Variants in ST6GAL1 observed in about 807,000 individuals in gnomAD.
ST6GAL1 encodes the protein beta-galactoside alpha-2,6-sialyltransferase 1.
Under a neutral mutation model 38.0 loss-of-function variants are expected in ST6GAL1, and 20 were observed. The observed-to-expected ratio is 0.53, with a 90% confidence interval of 0.37 to 0.77. The LOEUF is 0.77. Among genes scored for constraint, ST6GAL1 ranks in the 30% least tolerant of loss-of-function variants. The pLI is 0.00. For missense variants in ST6GAL1, 432 were observed against 496.4 expected, an observed-to-expected ratio of 0.87 and a Z score of 1.23; for synonymous variants, 196 against 188.2, an observed-to-expected ratio of 1.04 and a Z score of -0.34.
chr3:186,976,915 C>G (rs915876241), intron 2 of ST6GAL1, among the ~76,000 whole-genome samples: 4 of 152,188 alleles, frequency 2.6e-5, no homozygotes, highest in African/African-American at 4.8e-5. Context: ...TGCTTTAATG[C>G]CAGGCACTGT....
At chr3:187,022,313 G>A (rs1717346822) in intron 2 of ST6GAL1, among the ~76,000 whole-genome samples, 1 of 152,170 alleles carries the variant, frequency 6.6e-6, no homozygotes, top group East Asian at 1.9e-4. Context: ...TGGTGTGAGA[G>A]CAGAGGAAAG....
chr3:187,061,344 G>T (rs1015129294), intron 5 of ST6GAL1, among the ~76,000 whole-genome samples: 1 of 152,098 alleles, frequency 6.6e-6, no homozygotes, highest in Non-Finnish European at 1.5e-5. Flanking sequence ...AAATCCAAAA[G>T]ATATTTCTTT....
chr3:186,996,084 A>G (rs970486240), intron 2 of ST6GAL1, among the ~76,000 whole-genome samples: 1 of 152,156 alleles, frequency 6.6e-6, no homozygotes, highest in Non-Finnish European at 1.5e-5. Context: ...AAAATATGAT[A>G]TTTGAGATTC....
At chr3:186,956,786 G>A (rs926865193) in intron 1 of ST6GAL1, among the ~76,000 whole-genome samples, 6 of 152,122 alleles carry the variant, frequency 3.9e-5, no homozygotes, top group African/African-American at 1.4e-4. Flanking sequence ...CAGAACATCC[G>A]GTCAGTTTTT....
chr3:187,069,688 C>T (rs1719296167), intron 5 of ST6GAL1, among the ~76,000 whole-genome samples: 1 of 152,106 alleles, frequency 6.6e-6, no homozygotes, highest in Admixed American at 6.5e-5. Context: ...TTTCCTGGTC[C>T]CCATAACCTA....
intron 1 of ST6GAL1, among the ~76,000 whole-genome samples, chr3:186,961,323 C>CT (rs1714929413): frequency 6.6e-6 from 1 of 152,198 alleles, no homozygotes; most frequent in African/African-American, 2.4e-5. Flanking sequence ...GGTTCCACCA[C>CT]TACCTTTCCC....
intron 5 of ST6GAL1, chr3:187,072,479 A>C (rs1719418234): frequency 3.0e-6 from 1 of 331,968 alleles, no homozygotes; most frequent in African/African-American, 2.2e-5. Flanking sequence ...GATTCCAGAG[A>C]TAATTTTGAT....
At chr3:187,072,473 C>T (rs559334987) in intron 5 of ST6GAL1, 2 of 330,798 alleles carry the variant, frequency 6.0e-6, no homozygotes, top group African/African-American at 4.3e-5. Flanking sequence ...TGAAAGGATT[C>T]CAGAGATAAT....
At chr3:187,060,017 A>G (rs1360907119) in intron 5 of ST6GAL1, among the ~76,000 whole-genome samples, 1 of 152,174 alleles carries the variant, frequency 6.6e-6, no homozygotes, top group African/African-American at 2.4e-5. Context: ...CTTTTCAGGA[A>G]GAGGCAACAG....
At chr3:186,965,220 G>T (rs1237844020) in intron 2 of ST6GAL1, among the ~76,000 whole-genome samples, 3 of 152,152 alleles carry the variant, frequency 2.0e-5, no homozygotes, top group Admixed American at 2.0e-4. Context: ...CACGAAGTTG[G>T]TCAGAGAAGT....
chr3:186,991,901 A>C (rs912880129), intron 2 of ST6GAL1, among the ~76,000 whole-genome samples: 1 of 152,052 alleles, frequency 6.6e-6, no homozygotes, highest in Non-Finnish European at 1.5e-5. Context: ...CTCCCCTCCC[A>C]TCTGAGGACA....
intron 4 of ST6GAL1, chr3:187,043,997 G>A (rs1343653902): frequency 6.6e-6 from 1 of 152,234 alleles, no homozygotes; most frequent in East Asian, 1.9e-4. Flanking sequence ...AACTGTCTGT[G>A]GATTAGGTGT....
At chr3:187,011,707 C>T (rs1222513033) in intron 2 of ST6GAL1, among the ~76,000 whole-genome samples, 1 of 152,172 alleles carries the variant, frequency 6.6e-6, no homozygotes, top group Admixed American at 6.5e-5. Flanking sequence ...GCTCCTGTAA[C>T]CATTTATCCT....
intron 1 of ST6GAL1, among the ~76,000 whole-genome samples, chr3:186,947,710 A>G (rs1714424729): frequency 6.6e-6 from 1 of 152,166 alleles, no homozygotes; most frequent in Non-Finnish European, 1.5e-5. Context: ...CTTAATCAGA[A>G]CCCTAATTTC....
chr3:187,000,562 C>CA (rs142201120), intron 2 of ST6GAL1, among the ~76,000 whole-genome samples: 3 of 149,388 alleles, frequency 2.0e-5, no homozygotes, highest in South Asian at 2.1e-4. Context: ...GACTCTGGCT[C>CA]AAAAAAAAGT....
At chr3:186,939,341 G>A (rs1714081644) in intron 1 of ST6GAL1, among the ~76,000 whole-genome samples, 1 of 152,092 alleles carries the variant, frequency 6.6e-6, no homozygotes, top group South Asian at 2.1e-4. Context: ...CCAAAGTGCT[G>A]GGATTACAGG....
At chr3:187,035,790 A>T (rs1717909631) in intron 2 of ST6GAL1, among the ~76,000 whole-genome samples, 1 of 152,230 alleles carries the variant, frequency 6.6e-6, no homozygotes, top group Admixed American at 6.5e-5. Context: ...GAGACCTCAA[A>T]CTATAAGAAT....
In ST6GAL1 at chr3:186,938,737, A is replaced by T. The variant is rs528901583; in HGVS notation, c.-325+7903A>T. On this transcript the variant is annotated intron_variant, in intron 1 of 7. Coordinates refer to ENST00000169298, the MANE Select transcript of ST6GAL1 (RefSeq NM_173216.2). Reference sequence around the variant, plus strand: ...ATTTCAAACATACAAAAGCACAAAGAAGAGTGTAAGGAACCCTATATCATA... The same window carrying T: ...ATTTCAAACATACAAAAGCACAAAGTAGAGTGTAAGGAACCCTATATCATA... Among the ~76,000 whole-genome samples, 11 of 152,330 alleles carry T rather than the reference A, an allele frequency of 7.2e-5. No individual in the cohort carries two copies. In the East Asian group the frequency reaches 1.9e-3, roughly 27 times the overall value.
chr3:187,033,644 A>G (rs986042411), intron 2 of ST6GAL1, among the ~76,000 whole-genome samples: 3 of 152,328 alleles, frequency 2.0e-5, no homozygotes, highest in East Asian at 1.9e-4. Flanking sequence ...ACACAATTAT[A>G]TAAATTATTT....
Sources: allele counts gnomAD v4.1 joint callset (sites outside exome capture counted in the v4.1 genomes callset), GRCh38; gene constraint gnomAD v4.1.1; transcripts MANE v1.5; gene names NCBI Gene and HGNC (gene_info 2026-07-23, HGNC 2026-07-21).